Variants in ZC3H12B observed in about 807,000 individuals in gnomAD.
The protein encoded by ZC3H12B is probable ribonuclease ZC3H12B.
ZC3H12B carries 7 observed loss-of-function variants against 43.9 expected under a neutral mutation model. The observed-to-expected ratio is 0.16, with a 90% confidence interval of 0.09 to 0.30. The LOEUF (loss-of-function observed/expected upper bound fraction) is 0.30. Ranked by LOEUF, ZC3H12B falls within the 10% of genes least tolerant of loss-of-function variation. The pLI is 1.00. For missense variants in ZC3H12B, 475 were observed against 670.2 expected (o/e 0.71, Z 3.22); for synonymous variants, 222 against 241.7 (o/e 0.92, Z 0.76).
chrX:65,434,001 T>C lies in ZC3H12B; in HGVS notation n.407+35297T>C, dbSNP rs187369211. 8.0e-5 allele frequency among the ~76,000 whole-genome samples: 9 copies of C among 112,092 alleles called. No individual in the cohort carries two copies. In the Admixed American group the frequency reaches 8.5e-4, roughly 11 times the overall value. On this transcript the variant is annotated intron_variant and non_coding_transcript_variant, in intron 3 of 5. Coordinates refer to the ZC3H12B transcript ENST00000617377. ...ATCTATTTCACTTCCAGTAATACCA[T>C]GATCGATGCCATAGATCCATGTAAG...
chrX:65,230,682 G>A, the ZC3H12B span, among the ~76,000 whole-genome samples: 152 of 108,164 alleles, frequency 1.4e-3, 1 homozygote, highest in African/African-American at 4.7e-3. Flanking sequence ...ATTATATTCA[G>A]CGTTTTTCTT....
intron 3 of ZC3H12B, among the ~76,000 whole-genome samples, chrX:65,428,546 G>T (rs1366249723): frequency 2.7e-5 from 3 of 112,503 alleles, no homozygotes; most frequent in Non-Finnish European, 5.6e-5. Flanking sequence ...GGTCTATTCT[G>T]CTATTAACAT....
At chrX:65,341,307 C>T in the ZC3H12B span, among the ~76,000 whole-genome samples, 1 of 111,964 alleles carries the variant, frequency 8.9e-6, no homozygotes, top group Non-Finnish European at 1.9e-5. Flanking sequence ...TCCATGAGAA[C>T]TTTCCCAATG....
Position 65,447,679 on chromosome X carries a change from C to A in ZC3H12B, n.408-40967C>A, listed in dbSNP as rs1301423414. 3.6e-5 allele frequency among the ~76,000 whole-genome samples: 4 copies of A among 111,710 alleles called. No homozygotes were observed. In the Admixed American group the frequency reaches 3.8e-4, roughly 11 times the overall value. Reference sequence around the variant, plus strand: ...CTCACAGAATGGGAGAAAATATTTGCAAACTATGCATCTGATGAAGGACTA... The same window carrying A: ...CTCACAGAATGGGAGAAAATATTTGAAAACTATGCATCTGATGAAGGACTA... On this transcript the variant is annotated intron_variant and non_coding_transcript_variant, in intron 3 of 5. Coordinates refer to the ZC3H12B transcript ENST00000617377.
the ZC3H12B span, among the ~76,000 whole-genome samples, chrX:65,036,920 A>G: frequency 9.0e-6 from 1 of 110,615 alleles, no homozygotes; most frequent in South Asian, 3.9e-4. Flanking sequence ...ATCACATTAT[A>G]AAATAAAATT....
chrX:65,183,310 A>G, the ZC3H12B span, among the ~76,000 whole-genome samples: 5 of 112,057 alleles, frequency 4.5e-5, no homozygotes, highest in Admixed American at 9.5e-5. Context: ...AAACTAACGC[A>G]GGAACAGAAA....
chrX:65,116,972 G>C, the ZC3H12B span, among the ~76,000 whole-genome samples: 1 of 111,723 alleles, frequency 9.0e-6, no homozygotes, highest in Non-Finnish European at 1.9e-5. Flanking sequence ...TTGGACATTT[G>C]GGTTGGTTCC....
At chrX:65,452,114 A>T (rs1226826782) in intron 3 of ZC3H12B, among the ~76,000 whole-genome samples, 1 of 111,639 alleles carries the variant, frequency 9.0e-6, no homozygotes, top group Non-Finnish European at 1.9e-5. Flanking sequence ...CCCCCTGAGA[A>T]CTGGAACATG....
chrX:65,066,352 A>G, the ZC3H12B span, among the ~76,000 whole-genome samples: 187 of 110,412 alleles, frequency 1.7e-3, no homozygotes, highest in African/African-American at 6.0e-3. Flanking sequence ...ATTGATGTTG[A>G]TGTTATTCCT....
At position 65,398,682 on chromosome X, in the gene ZC3H12B, C is replaced by G. The variant is rs920041687; in HGVS notation, n.385C>G. On this transcript the variant is annotated non_coding_transcript_exon_variant, in exon 3 of 6. Transcript: ENST00000617377. ...AGTTTTCTGAGGCTGCCCAGTCATG[C>G]TTCCTGTTAAGCCTGCAGAACTGTG... 8.0e-5 allele frequency: 9 copies of G among 112,323 alleles called. No individual in the cohort carries two copies. In the East Asian group the frequency reaches 2.5e-3, roughly 31 times the overall value. 9.3% of individuals were successfully genotyped at this position (112,323 alleles called of 1,213,427 possible).
chrX:65,484,835 G>A (rs184609526), upstream of ZC3H12B, among the ~76,000 whole-genome samples: 2 of 112,431 alleles, frequency 1.8e-5, no homozygotes, highest in Non-Finnish European at 3.8e-5. Flanking sequence ...CAAGTTTTTA[G>A]TAGAACCTGA....
chrX:65,176,353 G>A, the ZC3H12B span, among the ~76,000 whole-genome samples: 5 of 111,826 alleles, frequency 4.5e-5, no homozygotes, highest in Non-Finnish European at 9.4e-5. Flanking sequence ...CCTCCTCTCT[G>A]GGTAGGGCAT....
At chrX:65,332,901 T>C in the ZC3H12B span, among the ~76,000 whole-genome samples, 1 of 112,441 alleles carries the variant, frequency 8.9e-6, no homozygotes, top group Non-Finnish European at 1.9e-5. Context: ...TGGCTTATGA[T>C]ACTTGGCCTG....
the ZC3H12B span, among the ~76,000 whole-genome samples, chrX:65,061,473 A>G: frequency 8.9e-6 from 1 of 112,242 alleles, no homozygotes; most frequent in East Asian, 2.8e-4. Flanking sequence ...AGTTTCATCC[A>G]TGTTTCTGCA....
At chrX:65,146,479 T>G in the ZC3H12B span, among the ~76,000 whole-genome samples, 31 of 111,830 alleles carry the variant, frequency 2.8e-4, no homozygotes, top group South Asian at 0.011. Flanking sequence ...GATTTCTTCT[T>G]GGTTTGGGTC....
chrX:65,500,250 C>G (rs920410687), intron 4 of ZC3H12B, among the ~76,000 whole-genome samples: 2 of 112,389 alleles, frequency 1.8e-5, no homozygotes, highest in African/African-American at 6.5e-5. Context: ...CTGCCTAAGT[C>G]CTGAACTATG....
the ZC3H12B span, among the ~76,000 whole-genome samples, chrX:65,269,362 A>G: frequency 2.8e-5 from 3 of 108,941 alleles, no homozygotes; most frequent in East Asian, 8.4e-4. Flanking sequence ...AAACAAAACA[A>G]AACAAAAAAA....
chrX:65,251,536 G>A, the ZC3H12B span, among the ~76,000 whole-genome samples: 3 of 111,279 alleles, frequency 2.7e-5, no homozygotes, highest in Non-Finnish European at 5.7e-5. Flanking sequence ...GGACCGTATG[G>A]CCATTTTCAC....
chrX:65,072,428 G>A, the ZC3H12B span, among the ~76,000 whole-genome samples: 3 of 112,631 alleles, frequency 2.7e-5, no homozygotes, highest in East Asian at 8.4e-4. Flanking sequence ...TTGCTAGAAG[G>A]CTAGTGTGAT....
Sources: gnomAD v4.1 joint callset for allele counts (sites outside exome capture counted in the v4.1 genomes callset) on GRCh38, gnomAD v4.1.1 for gene constraint, MANE v1.5 for transcripts, NCBI Gene and HGNC (gene_info 2026-07-23, HGNC 2026-07-21) for gene names.